Variants in TBC1D17 observed in about 807,000 individuals in gnomAD.
TBC1D17 encodes TBC1 domain family, member 17.
Under a neutral mutation model 78.8 loss-of-function variants are expected in TBC1D17, and 69 were observed. The observed-to-expected ratio is 0.88, with a 90% CI of 0.72 to 1.07. The LOEUF (loss-of-function observed/expected upper bound fraction) is 1.07, where lower values mean the gene tolerates loss of function less well. TBC1D17 is among the 50% of genes least tolerant of loss of function. The probability of loss-of-function intolerance (pLI) is 0.00; values close to 1 mark genes in which losing one functional copy is unlikely to be tolerated. For missense variants in TBC1D17, 957 were observed against 861.0 expected (o/e 1.11, Z -1.39); for synonymous variants, 456 against 358.3 (o/e 1.27, Z -3.08).
In TBC1D17 at chr19:49,878,540, G is replaced by A. The variant is rs1467484174; in HGVS notation, c.163G>A (p.Gly55Arg). ...LLHWAPVEEA[G>R]DSTQILFSKK... ...GCACTGGGCTCCTGTAGAGGAGGCT[G>A]GAGATTCCACCCAAATCCTCTTCTC... The change falls in exon 3 of 17, where the codon GGA (glycine) becomes AGA (arginine). Residue 55 changes from glycine to arginine, a missense_variant. Gly to Arg is a moderately radical substitution (Grantham distance 125). Transcript: ENST00000221543. 1.9e-6 allele frequency: 3 copies of A among 1,614,126 alleles called. No individual in the cohort carries two copies. Among genetic ancestry groups the A allele is most frequent in the Admixed American group, 1.7e-5 (1 of 60,016 alleles).
chr19:49,884,501 A>C lies in TBC1D17; in HGVS notation c.1286A>C (p.Tyr429Ser). Residue 429 changes from tyrosine (Y) to serine (S), a missense_variant, in exon 12 of 17, where the codon TAC becomes TCC. By Grantham distance (144) the Tyr-to-Ser change is moderately radical. Transcript: ENST00000221543. The stretch of plus-strand genomic sequence containing the variant: ...AGTGATCTTCTCTCCCCGATCCTCT[A>C]CGTCATTCAGAACGAGGTGGATGCT... ...GMSDLLSPIL[Y>S]VIQNEVDAFW... 1 of 1,614,104 alleles carries C rather than the reference A, an allele frequency of 6.2e-7. No homozygotes were observed. The highest frequency in any genetic ancestry group is 8.5e-7 in the Non-Finnish European group (1 of 1,180,020).
At chr19:49,884,192 G>A (rs1030727310) in intron 10 of TBC1D17, 61 bp from the exon 11 acceptor site, 4 of 1,486,024 alleles carry the variant, frequency 2.7e-6, no homozygotes, top group Non-Finnish European at 3.7e-6. Context: ...GGCACTGGTG[G>A]CCAGCAGGGA....
rs540429523 is a variant in TBC1D17 at position 49,883,178 on chromosome 19, C to T, written c.1031+102C>T. 40 of 1,046,468 alleles carry T rather than the reference C, an allele frequency of 3.8e-5. 1 individual carries two copies. The East Asian group carries it at 9.5e-4, about 25-fold the overall frequency. 64.8% of individuals were successfully genotyped at this position (1,046,468 alleles called of 1,614,324 possible). ...GACGCTGGTTGTGAACCTGCTGTAT[C>T]TGGGCACCATCCTGCGCCTGTGGAA... On this transcript the variant is annotated intron_variant, in intron 9 of 16. Coordinates refer to ENST00000221543, the MANE Select transcript of TBC1D17 (RefSeq NM_024682.3).
chr19:49,883,946 G>T (rs1457950920), intron 10 of TBC1D17, among the ~76,000 whole-genome samples: 1 of 152,174 alleles, frequency 6.6e-6, no homozygotes, highest in African/African-American at 2.4e-5. Context: ...AAGAAGGGGA[G>T]CCCAGCTCCC....
intron 11 of TBC1D17, 29 bp from the exon 12 acceptor site, chr19:49,884,430 G>A (rs2075041811): frequency 6.2e-7 from 1 of 1,613,876 alleles, no homozygotes; most frequent in African/African-American, 1.3e-5. Flanking sequence ...CTGCGGGCTT[G>A]GCTGCAGCCT....
chr19:49,878,270 C>A, intron 2 of TBC1D17, 29 bp downstream of exon 2: 4 of 1,545,860 alleles, frequency 2.6e-6, no homozygotes, highest in Non-Finnish European at 3.5e-6. Flanking sequence ...GGGCTCGGAC[C>A]CGCTCCGAGC....
At chr19:49,883,577 T>G in intron 9 of TBC1D17, 74 bp from the exon 10 acceptor site, 2 of 1,361,696 alleles carry the variant, frequency 1.5e-6, no homozygotes, top group Non-Finnish European at 2.1e-6. Context: ...ACCTGGGAGG[T>G]GGCGCCAGGC....
In TBC1D17 at chr19:49,888,559, G is replaced by A; in HGVS notation, c.1882G>A (p.Ala628Thr). Residue 628 changes from alanine (A) to threonine (T), a missense_variant, in exon 17 of 17, where the codon GCC becomes ACC. By Grantham distance (58) the Ala-to-Thr change is moderately conservative. Coordinates refer to ENST00000221543, the MANE Select transcript of TBC1D17 (RefSeq NM_024682.3). ...PPTPPPSTDT[A>T]PQPDSSLEIL... ...CACCCCGCCGCCCTCCACGGACACA[G>A]CCCCGCAGCCCGACAGCAGCCTGGA... The A allele has an allele frequency of 1.6e-6, 2 of 1,257,070 alleles. No homozygotes were observed. The highest frequency in any genetic ancestry group is 1.3e-5 in the South Asian group (1 of 79,958). The allele number at this position is 1,257,070 out of a possible 1,614,324, so 77.9% of individuals were successfully genotyped here. A position where few individuals can be genotyped will look rare whatever the true frequency, so the allele number is the denominator to read the frequency against.
At chr19:49,882,666 C>G in intron 7 of TBC1D17, 98 bp from the exon 8 acceptor site, 1 of 1,434,650 alleles carries the variant, frequency 7.0e-7, no homozygotes, top group Non-Finnish European at 9.1e-7. Flanking sequence ...GTTAGTCATC[C>G]GTCAAGCTAA....
At chr19:49,884,580 G>A (rs2075043684) in intron 12 of TBC1D17, 21 bp downstream of exon 12, 3 of 1,613,588 alleles carry the variant, frequency 1.9e-6, no homozygotes, top group African/African-American at 2.7e-5. Context: ...GGTCAGGGGT[G>A]GGACACAGGC....
chr19:49,887,237 C>T (rs1012768028), intron 13 of TBC1D17: 1 of 525,346 alleles, frequency 1.9e-6, no homozygotes, highest in Admixed American at 3.2e-5. Context: ...GCTGGGCGTC[C>T]TGCCTCCCTT....
At chr19:49,884,131 C>A (rs548607279) in intron 10 of TBC1D17, 122 bp from the exon 11 acceptor site, 4 of 888,364 alleles carry the variant, frequency 4.5e-6, no homozygotes, top group African/African-American at 3.3e-5. Context: ...GCTTCTCCCC[C>A]AGAGCAAACC....
chr19:49,882,033 C>CCTCCCAG lies in TBC1D17; in HGVS notation c.528-2_532dup. 6.2e-7 allele frequency: 1 copy of CCTCCCAG among 1,612,202 alleles called. No homozygotes were observed. Among genetic ancestry groups the CCTCCCAG allele is most frequent in the Admixed American group, 1.7e-5 (1 of 59,988 alleles). ...TGCATCACCTGTGCGTCACCTCCCGCCTCCCAGCTCCCCGCAGGACTCCCG... is the reference window on the plus strand; with the variant it reads ...TGCATCACCTGTGCGTCACCTCCCGCCTCCCAGCTCCCAGCTCCCCGCAGGACTCCCG... On this transcript the variant is annotated splice_region_variant and splice_polypyrimidine_tract_variant and intron_variant, in intron 5 of 16. Coordinates refer to ENST00000221543, the MANE Select transcript of TBC1D17 (RefSeq NM_024682.3).
intron 16 of TBC1D17, 31 bp downstream of exon 16, chr19:49,888,348 CCCGAACCCCGA>C (rs1204620283): frequency 2.0e-6 from 3 of 1,525,014 alleles, no homozygotes; most frequent in African/African-American, 1.4e-5. Flanking sequence ...CAGCGCCCCG[CCCGAACCCCGA>C]CCGACCCCCG....
intron 3 of TBC1D17, 24 bp downstream of exon 3, chr19:49,878,596 T>C: frequency 6.2e-7 from 1 of 1,611,420 alleles, no homozygotes. Context: ...GCTTTGCCCT[T>C]CTCCACTCGC....
At chr19:49,880,545 A>G in intron 4 of TBC1D17, 143 bp downstream of exon 4, 1 of 1,159,426 alleles carries the variant, frequency 8.6e-7, no homozygotes, top group Non-Finnish European at 1.2e-6. Flanking sequence ...GGAGCATGGA[A>G]GTGAATGGGA....
chr19:49,884,595 C>T (rs777130292), intron 12 of TBC1D17, 36 bp downstream of exon 12: 22 of 1,613,330 alleles, frequency 1.4e-5, no homozygotes, highest in East Asian at 2.2e-5. Flanking sequence ...ACAGGCCTAT[C>T]GAGCGATCAG....
rs879524131 is a variant in TBC1D17, at chr19:49,888,656, C to T, written c.*32C>T. ...CAGGCAGCCTCGTTCTGCACAGGCACTTTAGCCCGAGCCAGGCACACCTGC... is the reference window on the plus strand; with the variant it reads ...CAGGCAGCCTCGTTCTGCACAGGCATTTTAGCCCGAGCCAGGCACACCTGC... On this transcript the variant is annotated 3_prime_UTR_variant, in exon 17 of 17. Transcript: ENST00000221543. 43 of 1,508,462 alleles carry T rather than the reference C, an allele frequency of 2.9e-5. No homozygotes were observed. The highest frequency in any genetic ancestry group is 3.5e-5 in the Non-Finnish European group (40 of 1,130,914). The allele number at this position is 1,508,462 out of a possible 1,614,324, so 93.4% of individuals were successfully genotyped here. A position where few individuals can be genotyped will look rare whatever the true frequency, so the allele number is the denominator to read the frequency against.
chr19:49,881,620 C>T (rs1342336603), intron 5 of TBC1D17, 145 bp downstream of exon 5: 11 of 800,292 alleles, frequency 1.4e-5, no homozygotes, highest in Non-Finnish European at 2.1e-5. Flanking sequence ...ACTAAAAAGT[C>T]AAAAAGGAGT....
Sources: gnomAD v4.1 joint callset for allele counts (sites outside exome capture counted in the v4.1 genomes callset) on GRCh38, gnomAD v4.1.1 for gene constraint, MANE v1.5 for transcripts, NCBI Gene and HGNC (gene_info 2026-07-23, HGNC 2026-07-21) for gene names.